The following CNTNAP2 variants were observed in gnomAD, a reference collection of about 807,000 sequenced individuals.
CNTNAP2 encodes the protein contactin-associated protein-like 2.
In CNTNAP2, 98 loss-of-function variants were observed where a neutral mutation model predicts 155.2. That is an observed-to-expected ratio of 0.63 (90% CI 0.54 to 0.75). CNTNAP2 has a LOEUF of 0.75. CNTNAP2 is among the 30% of genes least tolerant of loss of function. The pLI is 0.00. For synonymous variants in CNTNAP2, 651 were observed against 631.2 expected, an observed-to-expected ratio of 1.03 and a Z score of -0.47; for missense variants, 1,727 against 1,688.1, an observed-to-expected ratio of 1.02 and a Z score of -0.40.
chr7:148,317,742 C>T (rs556783767), intron 21 of CNTNAP2, among the ~76,000 whole-genome samples: 57 of 151,818 alleles, frequency 3.8e-4, no homozygotes, highest in Admixed American at 3.4e-3. Flanking sequence ...GCTCTTTCGC[C>T]CAGGCTGAAG....
At chr7:146,952,761 G>A (rs1280260477) in intron 3 of CNTNAP2, among the ~76,000 whole-genome samples, 1 of 151,988 alleles carries the variant, frequency 6.6e-6, no homozygotes, top group Admixed American at 6.6e-5. Flanking sequence ...ACAAACCACA[G>A]CTCAAGGAAA....
chr7:146,960,216 C>T (rs1797528539), intron 3 of CNTNAP2, among the ~76,000 whole-genome samples: 1 of 152,214 alleles, frequency 6.6e-6, no homozygotes. Flanking sequence ...TACATTACAA[C>T]ACTTAATAAT....
At chr7:147,303,225 CCTTT>C (rs1794975347) in intron 9 of CNTNAP2, among the ~76,000 whole-genome samples, 5 of 152,218 alleles carry the variant, frequency 3.3e-5, no homozygotes, top group African/African-American at 1.2e-4. Flanking sequence ...ACTGATATCT[CCTTT>C]CTAACATTTC....
At chr7:148,394,405 GC>G (rs1799419527) in intron 22 of CNTNAP2, among the ~76,000 whole-genome samples, 2 of 152,050 alleles carry the variant, frequency 1.3e-5, no homozygotes, top group Non-Finnish European at 2.9e-5. Context: ...TTATCATTGA[GC>G]TTTTATTATC....
At chr7:146,985,567 G>A (rs1261877780) in intron 3 of CNTNAP2, among the ~76,000 whole-genome samples, 3 of 151,858 alleles carry the variant, frequency 2.0e-5, no homozygotes, top group Non-Finnish European at 2.9e-5. Context: ...TGATCCACTC[G>A]CCTTGGCCTC....
At chr7:148,167,403 T>C (rs1805688765) in intron 17 of CNTNAP2, among the ~76,000 whole-genome samples, 1 of 152,022 alleles carries the variant, frequency 6.6e-6, no homozygotes, top group African/African-American at 2.4e-5. Context: ...CCTCCCAAAG[T>C]GCTGGGATTA....
chr7:146,858,102 A>G lies in CNTNAP2; in HGVS notation c.402+18198A>G, dbSNP rs572186573. Among the ~76,000 whole-genome samples, 4 of 152,190 alleles carry G rather than the reference A, an allele frequency of 2.6e-5. No homozygotes were observed. The South Asian group carries it at 8.3e-4, about 31-fold the overall frequency. ...GTGCTAAGGGCCTTGACAGAAGGAAATAAATCACAATTAGATCTTGTTCTG... is the reference window on the plus strand; with the variant it reads ...GTGCTAAGGGCCTTGACAGAAGGAAGTAAATCACAATTAGATCTTGTTCTG... On this transcript the variant is annotated intron_variant, in intron 3 of 23. Transcript: ENST00000361727.
chr7:147,832,817 TTATA>T (rs1003188730), intron 13 of CNTNAP2, among the ~76,000 whole-genome samples: 1 of 131,220 alleles, frequency 7.6e-6, no homozygotes, highest in African/African-American at 3.0e-5. Flanking sequence ...TTATATATAG[TTATA>T]TATATTTATT....
chr7:148,176,942 G>A (rs929700906), intron 18 of CNTNAP2, among the ~76,000 whole-genome samples: 3 of 152,138 alleles, frequency 2.0e-5, no homozygotes, highest in African/African-American at 7.2e-5. Flanking sequence ...CATTAAAACT[G>A]CTCCTTCTTG....
At chr7:146,813,550 G>A (rs1212724853) in intron 2 of CNTNAP2, among the ~76,000 whole-genome samples, 3 of 152,284 alleles carry the variant, frequency 2.0e-5, no homozygotes, top group South Asian at 4.2e-4. Context: ...TAACTAGAAA[G>A]TAACTAACTT....
intron 11 of CNTNAP2, among the ~76,000 whole-genome samples, chr7:147,490,453 G>T (rs191914868): frequency 1.3e-5 from 2 of 152,226 alleles, no homozygotes; most frequent in Non-Finnish European, 1.5e-5. Context: ...CGTGAGAGGC[G>T]CAGTGGATTT....
Position 146,839,853 on chromosome 7 carries a change from C to G in CNTNAP2, c.351C>G (p.Tyr117Ter), listed in dbSNP as rs747258630. The G allele has an allele frequency of 6.2e-7, 1 of 1,614,098 alleles. No individual in the cohort carries two copies. Among genetic ancestry groups the G allele is most frequent in the Non-Finnish European group, 8.5e-7 (1 of 1,180,020 alleles). The change falls in exon 3 of 24, where the codon TAC becomes TAG. Residue 117 changes from tyrosine (Y) to a stop codon, truncating the protein, a stop_gained. Coordinates refer to ENST00000361727, the MANE Select transcript of CNTNAP2 (RefSeq NM_014141.6). LOFTEE classifies it high-confidence loss of function. ...GGGTGACCCAATACCGGATGCTCTACAGCGACACAGGGAGAAACTGGAAAC... is the reference window on the plus strand; with the variant it reads ...GGGTGACCCAATACCGGATGCTCTAGAGCGACACAGGGAGAAACTGGAAAC... ...SDWVTQYRML[Y>*]SDTGRNWKPY...
chr7:147,991,535 G>T (rs953351854), intron 15 of CNTNAP2, among the ~76,000 whole-genome samples: 5 of 151,912 alleles, frequency 3.3e-5, no homozygotes, highest in Admixed American at 2.6e-4. Flanking sequence ...TTATTCCTTT[G>T]TACCTTGAAA....
intron 1 of CNTNAP2, among the ~76,000 whole-genome samples, chr7:146,389,827 G>A (rs1056959213): frequency 5.3e-5 from 8 of 150,846 alleles, no homozygotes; most frequent in South Asian, 2.1e-4. Context: ...TCAGTTTGCC[G>A]AGTAGCTGGG....
rs1803006088 is a variant in CNTNAP2 at position 146,808,382 on chromosome 7, T to G, written c.209-31329T>G. On this transcript the variant is annotated intron_variant, in intron 2 of 23. Transcript: ENST00000361727. ...CTGTAAAATGTGTCCAGAATATATT[T>G]CAACTAAGATGGTTTTATCAGTCTA... 1.3e-5 allele frequency among the ~76,000 whole-genome samples: 2 copies of G among 152,200 alleles called. 1 individual carries two copies. The highest frequency in any genetic ancestry group is 4.1e-4 in the South Asian group (2 of 4,834).
At chr7:148,252,459 T>C (rs1196322549) in intron 20 of CNTNAP2, among the ~76,000 whole-genome samples, 2 of 152,188 alleles carry the variant, frequency 1.3e-5, no homozygotes, top group East Asian at 1.9e-4. Flanking sequence ...AGGTGCTTTC[T>C]TCTGTGGGTG....
rs1799830706 is a variant in CNTNAP2, at chr7:146,255,987, A to G, written c.97+139014A>G. On this transcript the variant is annotated intron_variant, in intron 1 of 23. Transcript: ENST00000361727. ...AAATCTTGTTGCAAAAGAAAAGGTC[A>G]TTATTAATAGCATCAGTCATGGATG... Among the ~76,000 whole-genome samples the G allele has an allele frequency of 3.9e-5, 6 of 152,222 alleles. No individual in the cohort carries two copies. In the South Asian group the frequency reaches 1.0e-3, roughly 26 times the overall value.
chr7:146,176,990 A>G (rs1190309604), intron 1 of CNTNAP2, among the ~76,000 whole-genome samples: 1 of 152,168 alleles, frequency 6.6e-6, no homozygotes, highest in African/African-American at 2.4e-5. Context: ...GAATAGAGAC[A>G]GGTTTAGTCC....
At chr7:146,586,064 G>A (rs939176889) in intron 1 of CNTNAP2, among the ~76,000 whole-genome samples, 2 of 151,908 alleles carry the variant, frequency 1.3e-5, no homozygotes, top group African/African-American at 4.8e-5. Context: ...ATTACAAGCT[G>A]TAATTTCACA....
Sources: allele counts gnomAD v4.1 joint callset (sites outside exome capture counted in the v4.1 genomes callset), GRCh38; gene constraint gnomAD v4.1.1; transcripts MANE v1.5; gene names NCBI Gene and HGNC (gene_info 2026-07-23, HGNC 2026-07-21).